The following ASIC2 variants were observed in gnomAD, a reference collection of about 807,000 sequenced individuals.
The protein encoded by ASIC2 is acid-sensing ion channel 2.
A neutral mutation model predicts 57.3 loss-of-function variants in ASIC2; 25 were observed. The ratio of observed to expected loss-of-function variants is 0.44; its 90% CI spans 0.32 to 0.61. The LOEUF is 0.61. Ranked by LOEUF, ASIC2 falls within the 20% of genes least tolerant of loss-of-function variation. The pLI is 0.06. For missense variants in ASIC2, 641 were observed against 738.1 expected, an observed-to-expected ratio of 0.87 and a Z score of 1.52; for synonymous variants, 319 against 307.5, an observed-to-expected ratio of 1.04 and a Z score of -0.39.
At chr17:33,188,040 C>T (rs767239491) in intron 1 of ASIC2, among the ~76,000 whole-genome samples, 31 of 151,892 alleles carry the variant, frequency 2.0e-4, no homozygotes, top group Middle Eastern at 3.4e-3. Context: ...TAGTCAAGAA[C>T]ATTAAAACAG....
chr17:33,124,004 CAT>C (rs1291974427), intron 1 of ASIC2, among the ~76,000 whole-genome samples: 1 of 152,214 alleles, frequency 6.6e-6, no homozygotes, highest in African/African-American at 2.4e-5. Flanking sequence ...AAGAAAAGCA[CAT>C]GTTTCCATTA....
chr17:33,880,292 C>A (rs1415416784), intron 1 of ASIC2, among the ~76,000 whole-genome samples: 2 of 152,030 alleles, frequency 1.3e-5, no homozygotes, highest in African/African-American at 2.4e-5. Context: ...ACAAAAAACC[C>A]TTCAAAAAAT....
intron 1 of ASIC2, among the ~76,000 whole-genome samples, chr17:33,735,028 G>A (rs1336185483): frequency 6.6e-6 from 1 of 152,142 alleles, no homozygotes; most frequent in African/African-American, 2.4e-5. Flanking sequence ...CGCTGTTGCT[G>A]TTGTTTGGAA....
chr17:33,048,532 C>T (rs2091963637), intron 3 of ASIC2, among the ~76,000 whole-genome samples: 2 of 152,154 alleles, frequency 1.3e-5, no homozygotes, highest in Admixed American at 6.5e-5. Context: ...TCTGGATGGG[C>T]CTTGTATGTC....
At chr17:33,153,239 C>G (rs556097226) in intron 1 of ASIC2, among the ~76,000 whole-genome samples, 8 of 152,340 alleles carry the variant, frequency 5.3e-5, no homozygotes, top group African/African-American at 1.9e-4. Context: ...GTGGGGTTCT[C>G]CCCGATGCTC....
At chr17:33,690,743 G>GTTTTTTTT (rs527881591) in intron 1 of ASIC2, among the ~76,000 whole-genome samples, 5 of 81,676 alleles carry the variant, frequency 6.1e-5, no homozygotes, top group Non-Finnish European at 8.7e-5. Flanking sequence ...ACTCTTCATT[G>GTTTTTTTT]TTTTTTTTTT....
At chr17:33,155,769 A>T (rs1014832558) in intron 1 of ASIC2, among the ~76,000 whole-genome samples, 4 of 152,034 alleles carry the variant, frequency 2.6e-5, no homozygotes, top group African/African-American at 9.7e-5. Context: ...TGTGTTGGCC[A>T]GGCTGGTCTC....
intron 1 of ASIC2, among the ~76,000 whole-genome samples, chr17:33,548,768 T>C (rs2141975009): frequency 6.6e-6 from 1 of 152,298 alleles, no homozygotes; most frequent in East Asian, 1.9e-4. Context: ...GACCTTGCTG[T>C]ACCTTAAGCA....
At chr17:34,117,862 G>C (rs1273666408) in intron 1 of ASIC2, among the ~76,000 whole-genome samples, 1 of 152,176 alleles carries the variant, frequency 6.6e-6, no homozygotes, top group African/African-American at 2.4e-5. Flanking sequence ...TTCCAGGGGA[G>C]ATTAGATAAA....
chr17:34,110,128 A>G (rs1474719599), intron 1 of ASIC2, among the ~76,000 whole-genome samples: 2 of 152,286 alleles, frequency 1.3e-5, no homozygotes, highest in East Asian at 3.9e-4. Context: ...TCCCAAGTAA[A>G]ATAAAAATAA....
chr17:33,932,741 A>ATAT (rs1164278543), intron 1 of ASIC2: 5 of 58,692 alleles, frequency 8.5e-5, no homozygotes, highest in African/African-American at 2.7e-4. Context: ...AAAAAAAAAA[A>ATAT]ATATATATAT....
chr17:34,130,247 C>G (rs559951505), intron 1 of ASIC2, among the ~76,000 whole-genome samples: 29,197 of 152,216 alleles, frequency 0.19, 3,454 homozygotes, highest in South Asian at 0.36. Context: ...CCCAGCAAAG[C>G]TCCTTAAACC....
intron 1 of ASIC2, among the ~76,000 whole-genome samples, chr17:33,372,914 C>G (rs1053042351): frequency 6.6e-6 from 1 of 152,174 alleles, no homozygotes; most frequent in Non-Finnish European, 1.5e-5. Context: ...TTGCCTGTTA[C>G]AGGAGAGTTC....
At position 33,477,263 on chromosome 17, in the gene ASIC2, C is replaced by T. The variant is rs191488466; in HGVS notation, c.556-365196G>A. Among the ~76,000 whole-genome samples, 27 of 152,286 alleles carry T rather than the reference C, an allele frequency of 1.8e-4. No homozygotes were observed. The East Asian group carries it at 5.0e-3, about 28-fold the overall frequency. The stretch of plus-strand genomic sequence containing the variant: ...CCCAAATTGATGTCTATTTACACTC[C>T]TGCCAGTAACATCTAAAAATCCCTA... On this transcript the variant is annotated intron_variant, in intron 1 of 9. Coordinates refer to the ASIC2 transcript ENST00000359872.
intron 1 of ASIC2, among the ~76,000 whole-genome samples, chr17:33,211,555 C>T (rs1427416375): frequency 1.4e-5 from 2 of 140,822 alleles, no homozygotes; most frequent in Non-Finnish European, 3.1e-5. Flanking sequence ...AAAAAAAAAT[C>T]AAAGTGAAGA....
intron 1 of ASIC2, among the ~76,000 whole-genome samples, chr17:33,243,542 G>A (rs1567796518): frequency 1.3e-5 from 2 of 151,048 alleles, no homozygotes; most frequent in Non-Finnish European, 2.9e-5. Flanking sequence ...TGTTCTGGCT[G>A]GTAGACAGAA....
chr17:33,454,981 G>C (rs960023348), intron 1 of ASIC2, among the ~76,000 whole-genome samples: 1 of 152,138 alleles, frequency 6.6e-6, no homozygotes, highest in Admixed American at 6.5e-5. Flanking sequence ...TCCAACATAC[G>C]AATTTTGGAG....
chr17:33,712,128 A>C (rs1269513620), intron 1 of ASIC2, among the ~76,000 whole-genome samples: 2 of 152,196 alleles, frequency 1.3e-5, no homozygotes, highest in African/African-American at 4.8e-5. Context: ...ACAGTCTGTA[A>C]GGAGCTAATC....
intron 1 of ASIC2, among the ~76,000 whole-genome samples, chr17:33,946,742 G>A (rs1333446373): frequency 2.0e-5 from 3 of 152,218 alleles, no homozygotes; most frequent in African/African-American, 7.2e-5. Flanking sequence ...GCAGTTCCAT[G>A]TGGGTCCATT....
Sources: allele counts gnomAD v4.1 joint callset (sites outside exome capture counted in the v4.1 genomes callset), GRCh38; gene constraint gnomAD v4.1.1; transcripts MANE v1.5; gene names NCBI Gene and HGNC (gene_info 2026-07-23, HGNC 2026-07-21).